Variants in AGAP1 observed in about 807,000 individuals in gnomAD.
AGAP1 encodes the protein ArfGAP with GTPase domain, ankyrin repeat and PH domain 1, also known as arf-GAP with GTPase, ANK repeat and PH domain-containing protein 1.
A neutral mutation model predicts 105.3 loss-of-function variants in AGAP1; 29 were observed. That is an observed-to-expected ratio of 0.28 (90% CI 0.21 to 0.38). The LOEUF (loss-of-function observed/expected upper bound fraction) is 0.38. AGAP1 is among the 10% of genes least tolerant of loss of function. The pLI is 1.00. For synonymous variants in AGAP1, 509 were observed against 485.9 expected (o/e 1.05, Z -0.63); for missense variants, 998 against 1,165.1 (o/e 0.86, Z 2.09).
rs1421647219 is a variant in AGAP1, at chr2:236,114,009, C to G, written c.2115-6183C>G. The stretch of plus-strand genomic sequence containing the variant: ...GATGAGTCGCCCATTCCCTCATTTT[C>G]CCTCACTCTCCTGCGGCTGATTTAT... On this transcript the variant is annotated intron_variant, in intron 16 of 17. Coordinates refer to ENST00000304032, the MANE Select transcript of AGAP1 (RefSeq NM_001037131.3). The surrounding 1 kb of genome is among the most constrained non-coding windows in gnomAD (Gnocchi z 5.0). Among the ~76,000 whole-genome samples the G allele has an allele frequency of 1.3e-5, 2 of 152,154 alleles. No homozygotes were observed. The highest frequency in any genetic ancestry group is 4.8e-5 in the African/African-American group (2 of 41,448).
rs911961221 is a variant in AGAP1, at chr2:235,958,488, C to G, written c.1484-9974C>G. 1.3e-5 allele frequency among the ~76,000 whole-genome samples: 2 copies of G among 152,128 alleles called. No homozygotes were observed. Among genetic ancestry groups the G allele is most frequent in the Non-Finnish European group, 2.9e-5 (2 of 68,012 alleles). ...GAATCACAAGCACAGAGACTCATCT[C>G]TTGAATATCACCCGGGATATCAAAA... is the stretch of plus-strand genomic sequence containing the variant. On this transcript the variant is annotated intron_variant, in intron 12 of 17. Coordinates refer to ENST00000304032, the MANE Select transcript of AGAP1 (RefSeq NM_001037131.3). The surrounding 1 kb of genome is among the most constrained non-coding windows in gnomAD (Gnocchi z 4.1).
intron 1 of AGAP1, among the ~76,000 whole-genome samples, chr2:235,597,314 G>A (rs1945557530): frequency 6.6e-6 from 1 of 152,194 alleles, no homozygotes; most frequent in African/African-American, 2.4e-5. Flanking sequence ...CCTCCACTCT[G>A]CAAGCACAGC....
At chr2:235,755,357 G>A (rs1190257554) in intron 6 of AGAP1, among the ~76,000 whole-genome samples, 2 of 152,158 alleles carry the variant, frequency 1.3e-5, no homozygotes, top group African/African-American at 4.8e-5. Flanking sequence ...TGTTCTCCTA[G>A]GGCCTGGATA....
rs2056551870 is a variant in AGAP1 at position 236,012,560 on chromosome 2, CATG to C, written c.1646-24000_1646-23998del. Among the ~76,000 whole-genome samples, 3 of 152,160 alleles carry C rather than the reference CATG, an allele frequency of 2.0e-5. No homozygotes were observed. The highest frequency in any genetic ancestry group is 4.4e-5 in the Non-Finnish European group (3 of 68,036). The stretch of plus-strand genomic sequence containing the variant: ...GATTTGGTTTCCTTCGTTCCTCATG[CATG>C]GTATTTGTACCGGTGGGTACCTGAA... On this transcript the variant is annotated intron_variant, in intron 13 of 17. Transcript: ENST00000304032. This position sits in a 1 kb window ranked among gnomAD's most constrained non-coding sequence, Gnocchi z 4.9.
At position 235,569,378 on chromosome 2, in the gene AGAP1, C is replaced by G. The variant is rs143809676; in HGVS notation, c.163+74529C>G. On this transcript the variant is annotated intron_variant, in intron 1 of 17. Coordinates refer to ENST00000304032, the MANE Select transcript of AGAP1 (RefSeq NM_001037131.3). The surrounding 1 kb of genome is among the most constrained non-coding windows in gnomAD (Gnocchi z 5.9). ...GGGTGCCTCTCCTGGCCAGGTGTCCCCTTGTGTATGTTATCCTTGAATCTT... is the reference window on the plus strand; with the variant it reads ...GGGTGCCTCTCCTGGCCAGGTGTCCGCTTGTGTATGTTATCCTTGAATCTT... Among the ~76,000 whole-genome samples, 556 of 152,240 alleles carry G rather than the reference C, an allele frequency of 3.7e-3. 5 individuals are homozygous for G. The highest frequency in any genetic ancestry group is 0.013 in the African/African-American group (520 of 41,526).
chr2:235,907,104 T>C (rs1312451453), intron 10 of AGAP1, among the ~76,000 whole-genome samples: 1 of 152,228 alleles, frequency 6.6e-6, no homozygotes, highest in African/African-American at 2.4e-5. Flanking sequence ...CCCTACCCTG[T>C]GTCCCAGCAG....
At chr2:235,918,820 G>C (rs745923952) in intron 11 of AGAP1, among the ~76,000 whole-genome samples, 1 of 152,086 alleles carries the variant, frequency 6.6e-6, no homozygotes, top group Non-Finnish European at 1.5e-5. Context: ...GTGTAATTCA[G>C]AAGTAAGTAT....
chr2:235,575,572 CCTCCGTG>C, intron 1 of AGAP1, among the ~76,000 whole-genome samples: 2 of 149,658 alleles, frequency 1.3e-5, no homozygotes, highest in Non-Finnish European at 2.9e-5. Flanking sequence ...TGCTCTGCCT[CCTCCGTG>C]AGCTGTGCTC....
intron 9 of AGAP1, among the ~76,000 whole-genome samples, chr2:235,816,886 A>AG (rs1221138104): frequency 7.3e-6 from 1 of 136,654 alleles, no homozygotes; most frequent in Non-Finnish European, 1.6e-5. Flanking sequence ...CTCAAAAAGA[A>AG]GAAAAAAAAA....
intron 6 of AGAP1, among the ~76,000 whole-genome samples, chr2:235,797,047 AAAG>A (rs956440633): frequency 2.0e-5 from 3 of 152,246 alleles, no homozygotes; most frequent in African/African-American, 7.2e-5. Context: ...TTTAAATAAA[AAAG>A]GTCTTTGATA....
chr2:235,817,703 C>T (rs1379870662), intron 9 of AGAP1, among the ~76,000 whole-genome samples: 1 of 152,090 alleles, frequency 6.6e-6, no homozygotes, highest in Non-Finnish European at 1.5e-5. Flanking sequence ...CCAGCCTGGC[C>T]AACATGGCGA....
At chr2:236,006,643 T>C (rs1286588725) in intron 13 of AGAP1, among the ~76,000 whole-genome samples, 1 of 152,196 alleles carries the variant, frequency 6.6e-6, no homozygotes, top group African/African-American at 2.4e-5. Flanking sequence ...GTTGGAAAAC[T>C]GTGGAAACAT....
chr2:235,707,963 C>T (rs1477891692), intron 1 of AGAP1, among the ~76,000 whole-genome samples: 1 of 152,168 alleles, frequency 6.6e-6, no homozygotes, highest in Non-Finnish European at 1.5e-5. Context: ...ACGTGCTCCC[C>T]ATCGTGTGAC....
rs958595496 is a variant in AGAP1, at chr2:235,921,293, G to A, written c.1325-9472G>A. On this transcript the variant is annotated intron_variant, in intron 11 of 17. Coordinates refer to ENST00000304032, the MANE Select transcript of AGAP1 (RefSeq NM_001037131.3). ...ATTACATAACAACATGGGGAAAATG[G>A]TTAGGAAATCATATTAAAGAAGTGT... Among the ~76,000 whole-genome samples, 4 of 152,166 alleles carry A rather than the reference G, an allele frequency of 2.6e-5. No homozygotes were observed. The East Asian group carries it at 5.8e-4, about 22-fold the overall frequency.
At chr2:236,026,949 A>G (rs909766388) in intron 13 of AGAP1, among the ~76,000 whole-genome samples, 5 of 152,168 alleles carry the variant, frequency 3.3e-5, no homozygotes, top group African/African-American at 9.7e-5. Flanking sequence ...AAATGGAGGA[A>G]GAGTACTGCC....
intron 10 of AGAP1, among the ~76,000 whole-genome samples, chr2:235,898,949 A>C (rs2050934720): frequency 6.6e-6 from 1 of 152,238 alleles, no homozygotes; most frequent in Non-Finnish European, 1.5e-5. Context: ...ATGGAATCTA[A>C]TACAAGGTGC....
chr2:235,805,649 A>G (rs1957800878), intron 8 of AGAP1, among the ~76,000 whole-genome samples: 1 of 152,194 alleles, frequency 6.6e-6, no homozygotes, highest in Non-Finnish European at 1.5e-5. Context: ...GATGTGGAGA[A>G]AAGAATTTAA....
chr2:235,890,979 C>T (rs1423313221), intron 10 of AGAP1, among the ~76,000 whole-genome samples: 1 of 144,086 alleles, frequency 6.9e-6, no homozygotes, highest in South Asian at 2.5e-4. Flanking sequence ...ATCTTTCTTT[C>T]TCAAGATGCT....
chr2:235,675,190 GTTTTT>G (rs10714704), intron 1 of AGAP1, among the ~76,000 whole-genome samples: 32 of 127,252 alleles, frequency 2.5e-4, no homozygotes, highest in African/African-American at 6.5e-4. Flanking sequence ...TGGTTGGTTG[GTTTTT>G]TTTTTTTTTT....
Sources: allele counts gnomAD v4.1 joint callset (sites outside exome capture counted in the v4.1 genomes callset), GRCh38; gene constraint gnomAD v4.1.1; non-coding constraint Gnocchi (gnomAD v3.1); transcripts MANE v1.5; gene names NCBI Gene and HGNC (gene_info 2026-07-23, HGNC 2026-07-21).